SLC24A3: variants seen among roughly 807,000 people sequenced by gnomAD.
The protein encoded by SLC24A3 is solute carrier family 24 member 3.
A neutral mutation model predicts 75.8 loss-of-function variants in SLC24A3; 28 were observed. The ratio of observed to expected loss-of-function variants is 0.37; its 90% CI spans 0.27 to 0.51. SLC24A3 has a LOEUF of 0.51. Among genes scored for constraint, SLC24A3 ranks in the 20% least tolerant of loss-of-function variants. The pLI is 0.94. For synonymous variants in SLC24A3, 372 were observed against 334.1 expected, an observed-to-expected ratio of 1.11 and a Z score of -1.24; for missense variants, 663 against 847.8, an observed-to-expected ratio of 0.78 and a Z score of 2.71.
intron 15 of SLC24A3, among the ~76,000 whole-genome samples, chr20:19,703,799 C>CTT (rs2032898779): frequency 6.6e-6 from 1 of 152,204 alleles, no homozygotes; most frequent in African/African-American, 2.4e-5. Flanking sequence ...CAAACAATGC[C>CTT]TTTTGGTTTG....
At chr20:19,426,548 C>T (rs1987009933) in intron 2 of SLC24A3, among the ~76,000 whole-genome samples, 1 of 152,208 alleles carries the variant, frequency 6.6e-6, no homozygotes, top group South Asian at 2.1e-4. Context: ...TAGGGATAGG[C>T]ACTTGGATTG....
At chr20:19,418,851 A>T (rs1331761489) in intron 2 of SLC24A3, among the ~76,000 whole-genome samples, 62 of 152,234 alleles carry the variant, frequency 4.1e-4, no homozygotes, top group Non-Finnish European at 1.2e-4. Flanking sequence ...TGTCAGTGGG[A>T]CTCAGGAGCC....
At chr20:19,367,422 T>C (rs1985911552) in intron 2 of SLC24A3, among the ~76,000 whole-genome samples, 1 of 151,810 alleles carries the variant, frequency 6.6e-6, no homozygotes, top group Admixed American at 6.6e-5. Flanking sequence ...GCCTTCCTTA[T>C]TAACAAACAG....
At position 19,505,350 on chromosome 20, in the gene SLC24A3, T is replaced by A. The variant is rs548999350; in HGVS notation, c.272-10138T>A. Among the ~76,000 whole-genome samples, 492 of 152,338 alleles carry A rather than the reference T, an allele frequency of 3.2e-3. 3 individuals are homozygous for A. The highest frequency in any genetic ancestry group is 0.011 in the African/African-American group (463 of 41,582). On this transcript the variant is annotated intron_variant, in intron 2 of 16. Coordinates refer to ENST00000328041, the MANE Select transcript of SLC24A3 (RefSeq NM_020689.4). ...ACCGCAAATTGTCCATACAGACTAT[T>A]GCCATGATTTAGGGGAAAATTCATC...
At chr20:19,419,408 A>G (rs1284430473) in intron 2 of SLC24A3, among the ~76,000 whole-genome samples, 2 of 151,528 alleles carry the variant, frequency 1.3e-5, no homozygotes, top group African/African-American at 2.4e-5. Context: ...AGAAGAGAAT[A>G]TGTTTTGCAG....
rs570639732 is a variant in SLC24A3 at position 19,489,179 on chromosome 20, G to A, written c.272-26309G>A. ...TAATTTCTCAAGAGAAAAGGGTTTT[G>A]TCCCATAATAATATGGAGAATTGCT... On this transcript the variant is annotated intron_variant, in intron 2 of 16. Coordinates refer to ENST00000328041, the MANE Select transcript of SLC24A3 (RefSeq NM_020689.4). Among the ~76,000 whole-genome samples, 91 of 152,250 alleles carry A rather than the reference G, an allele frequency of 6.0e-4. 1 individual carries two copies. The highest frequency in any genetic ancestry group is 2.2e-3 in the African/African-American group (91 of 41,556).
At chr20:19,682,747 C>A (rs547814171) in intron 10 of SLC24A3, among the ~76,000 whole-genome samples, 2 of 152,222 alleles carry the variant, frequency 1.3e-5, no homozygotes, top group Non-Finnish European at 1.5e-5. Context: ...TTACTAGATC[C>A]AAATTCACTT....
At chr20:19,216,530 G>T (rs2122125840) in intron 1 of SLC24A3, among the ~76,000 whole-genome samples, 1 of 152,132 alleles carries the variant, frequency 6.6e-6, no homozygotes, top group East Asian at 1.9e-4. Flanking sequence ...GATTGTTTGA[G>T]CCCAGAAGAC....
At chr20:19,358,173 T>G (rs1455297796) in intron 2 of SLC24A3, among the ~76,000 whole-genome samples, 1 of 152,158 alleles carries the variant, frequency 6.6e-6, no homozygotes, top group Non-Finnish European at 1.5e-5. Flanking sequence ...TATTTTCCTG[T>G]CAAAAATCCA....
intron 12 of SLC24A3, among the ~76,000 whole-genome samples, chr20:19,690,047 A>AAAG (rs1242338955): frequency 6.6e-6 from 1 of 151,646 alleles, no homozygotes; most frequent in Non-Finnish European, 1.5e-5. Flanking sequence ...AAAAAAAAAA[A>AAAG]AAAAGGAAAA....
intron 2 of SLC24A3, among the ~76,000 whole-genome samples, chr20:19,328,282 G>T (rs1202740760): frequency 6.6e-6 from 1 of 152,136 alleles, no homozygotes; most frequent in Non-Finnish European, 1.5e-5. Flanking sequence ...TAGGGTCTTG[G>T]GGGCTGGTGG....
chr20:19,324,242 A>C (rs1984787173), intron 2 of SLC24A3, among the ~76,000 whole-genome samples: 1 of 152,224 alleles, frequency 6.6e-6, no homozygotes, highest in African/African-American at 2.4e-5. Context: ...GTTGGGGGGC[A>C]AGTTTGACTG....
chr20:19,345,651 A>G (rs1016189438), intron 2 of SLC24A3, among the ~76,000 whole-genome samples: 6 of 152,218 alleles, frequency 3.9e-5, no homozygotes, highest in Admixed American at 3.9e-4. Context: ...ATTTCTCAAA[A>G]GAAGATATAC....
chr20:19,524,260 C>T (rs6515020), intron 3 of SLC24A3, among the ~76,000 whole-genome samples: 15,039 of 152,184 alleles, frequency 0.099, 813 homozygotes, highest in South Asian at 0.11. Context: ...GAGGCACAGC[C>T]TCCATAGATG....
chr20:19,611,835 C>A (rs763443453), intron 6 of SLC24A3, among the ~76,000 whole-genome samples: 4 of 152,210 alleles, frequency 2.6e-5, no homozygotes, highest in Non-Finnish European at 5.9e-5. Context: ...CTAACACTGA[C>A]CCTTGGCCTC....
At chr20:19,216,771 C>T (rs1981571555) in intron 1 of SLC24A3, among the ~76,000 whole-genome samples, 1 of 152,144 alleles carries the variant, frequency 6.6e-6, no homozygotes, top group Non-Finnish European at 1.5e-5. Flanking sequence ...TAACAAGTCA[C>T]CCCAAAAGTT....
chr20:19,514,773 G>A (rs2029950811), intron 2 of SLC24A3, among the ~76,000 whole-genome samples: 1 of 152,194 alleles, frequency 6.6e-6, no homozygotes, highest in Non-Finnish European at 1.5e-5. Context: ...AGGCAGAAAG[G>A]TTTTGGAACA....
At chr20:19,600,443 C>A (rs1339361458) in intron 6 of SLC24A3, among the ~76,000 whole-genome samples, 1 of 151,950 alleles carries the variant, frequency 6.6e-6, no homozygotes, top group African/African-American at 2.4e-5. Context: ...ATTTTTATGA[C>A]AATAAAATAA....
intron 2 of SLC24A3, among the ~76,000 whole-genome samples, chr20:19,450,131 A>G (rs1459777822): frequency 1.3e-5 from 2 of 152,206 alleles, no homozygotes; most frequent in Non-Finnish European, 2.9e-5. Flanking sequence ...TTGGGTCTCT[A>G]CAAGTTAATG....
Sources: gnomAD v4.1 joint callset for allele counts (sites outside exome capture counted in the v4.1 genomes callset) on GRCh38, gnomAD v4.1.1 for gene constraint, MANE v1.5 for transcripts, NCBI Gene and HGNC (gene_info 2026-07-23, HGNC 2026-07-21) for gene names.